Variants in ATP1A3 observed in about 807,000 individuals in gnomAD.
ATP1A3 encodes the protein ATPase Na+/K+ transporting subunit alpha 3.
Under a neutral mutation model 108.8 loss-of-function variants are expected in ATP1A3, and 12 were observed. That is an observed-to-expected ratio of 0.11 (90% confidence interval 0.07 to 0.18). The LOEUF (loss-of-function observed/expected upper bound fraction) is 0.18. Among genes scored for constraint, ATP1A3 ranks in the 10% least tolerant of loss-of-function variants. The pLI is 1.00. For synonymous variants in ATP1A3, 539 were observed against 564.5 expected, an observed-to-expected ratio of 0.95 and a Z score of 0.64; for missense variants, 498 against 1,387.7, an observed-to-expected ratio of 0.36 and a Z score of 10.19.
chr19:41,969,676 G>A, intron 18 of ATP1A3, 96 bp from the exon 19 acceptor site: 1 of 1,506,530 alleles, frequency 6.6e-7, no homozygotes, highest in East Asian at 2.3e-5. Context: ...CCTTGGAGAG[G>A]GGAGTATGCC....
At chr19:41,977,865 G>T (rs1404086081) in intron 14 of ATP1A3, 71 bp downstream of exon 14, 6 of 1,582,242 alleles carry the variant, frequency 3.8e-6, no homozygotes, top group Non-Finnish European at 5.2e-6. Flanking sequence ...AGGGAGGTTG[G>T]GGGGAAGCGG....
At chr19:41,974,365 T>A (rs1214235863) in intron 16 of ATP1A3, among the ~76,000 whole-genome samples, 1 of 151,980 alleles carries the variant, frequency 6.6e-6, no homozygotes, top group Non-Finnish European at 1.5e-5. Flanking sequence ...ATCGATTAAG[T>A]CCCGGAGGTG....
At chr19:41,970,950 AC>A (rs1167139725) in intron 16 of ATP1A3, among the ~76,000 whole-genome samples, 4 of 138,128 alleles carry the variant, frequency 2.9e-5, no homozygotes, top group Non-Finnish European at 4.7e-5. Context: ...GTCCTTTTCT[AC>A]CCCCCAGCCC....
At chr19:41,982,587 C>T (rs11672108) in intron 8 of ATP1A3, among the ~76,000 whole-genome samples, 1 of 151,658 alleles carries the variant, frequency 6.6e-6, no homozygotes, top group African/African-American at 2.4e-5. Flanking sequence ...AATCGTGACA[C>T]TGCACTCCAG....
rs782784268 is a variant in ATP1A3, at chr19:41,985,227, G to A, written c.725-41C>T. The A allele has an allele frequency of 6.2e-7, 1 of 1,614,034 alleles. No individual in the cohort carries two copies. Among genetic ancestry groups the A allele is most frequent in the Non-Finnish European group, 8.5e-7 (1 of 1,179,958 alleles). ...GTTAGGCTGAGGTGGGGTGGCTCAG[G>A]GAGGTTCTGGAGGCCTGACCCCCTG... On this transcript the variant is annotated intron_variant, in intron 7 of 22. Transcript: ENST00000648268. The surrounding 1 kb of genome is among the most constrained non-coding windows in gnomAD (Gnocchi z 8.2).
At position 41,993,591 on chromosome 19, in the gene ATP1A3, G is replaced by A. The variant is rs2075360934; in HGVS notation, c.6+480C>T. On this transcript the variant is annotated intron_variant, in intron 1 of 22. Coordinates refer to ENST00000648268, the MANE Select transcript of ATP1A3 (RefSeq NM_152296.5). ...TCCAGGCCTGGAAGGAGAAAGAGAG[G>A]TCATCTGGTGTCCATCCCACAACGT... is the stretch of plus-strand genomic sequence containing the variant. 3 of 1,014,480 alleles carry A rather than the reference G, an allele frequency of 3.0e-6. No homozygotes were observed. In the African/African-American group the frequency reaches 4.9e-5, roughly 17 times the overall value. The allele number at this position is 1,014,480 out of a possible 1,614,324, so 62.8% of individuals were successfully genotyped here.
chr19:41,977,823 G>A (rs2075187888), intron 14 of ATP1A3, 113 bp downstream of exon 14: 5 of 1,471,776 alleles, frequency 3.4e-6, no homozygotes, highest in Admixed American at 2.0e-5. Flanking sequence ...GTCCATGGAG[G>A]AGTCCCAGAA....
Position 41,985,569 on chromosome 19 carries a change from G to C in ATP1A3, c.607-146C>G. On this transcript the variant is annotated intron_variant, in intron 6 of 22. Coordinates refer to ENST00000648268, the MANE Select transcript of ATP1A3 (RefSeq NM_152296.5). The surrounding 1 kb of genome is among the most constrained non-coding windows in gnomAD (Gnocchi z 8.2). ...CCAGTGGGTGAGTGGTGTGTGGGAG[G>C]CCAGAGGCTGGGATCTTGAAGGTGG... The C allele has an allele frequency of 2.2e-6, 2 of 903,696 alleles. No homozygotes were observed. The highest frequency in any genetic ancestry group is 3.5e-6 in the Non-Finnish European group (2 of 568,546). 56.0% of individuals were successfully genotyped at this position (903,696 alleles called of 1,614,324 possible). A position where few individuals can be genotyped will look rare whatever the true frequency, so the allele number is the denominator to read the frequency against.
chr19:41,988,502 C>T lies in ATP1A3; in HGVS notation c.67G>A (p.Asp23Asn). 9 of 1,614,202 alleles carry T rather than the reference C, an allele frequency of 5.6e-6. No individual in the cohort carries two copies. The highest frequency in any genetic ancestry group is 7.6e-6 in the Non-Finnish European group (9 of 1,180,050). ...KNKGKERRDLDDLKKEVAMTE... is the reference protein window; with the variant it reads ...KNKGKERRDLNDLKKEVAMTE... ...ATAGCCACCTCCTTCTTGAGGTCAT[C>T]CAGGTCCCGGCGCTCCTTGCCCTTG... is the stretch of plus-strand genomic sequence containing the variant. The change falls in exon 2 of 23, where the codon GAT becomes AAT. Residue 23 changes from aspartate (D) to asparagine (N), a missense_variant. By Grantham distance (23) the Asp-to-Asn change is conservative. Coordinates refer to ENST00000648268, the MANE Select transcript of ATP1A3 (RefSeq NM_152296.5). The surrounding 1 kb of genome is among the most constrained non-coding windows in gnomAD (Gnocchi z 5.3).
rs1555859166 is a variant in ATP1A3, at chr19:41,968,858, T to C, written c.2746A>G (p.Ile916Val). The C allele has an allele frequency of 1.9e-6, 3 of 1,614,048 alleles. No individual in the cohort carries two copies. The highest frequency in any genetic ancestry group is 2.5e-6 in the Non-Finnish European group (3 of 1,179,958). The change falls in exon 20 of 23, where the codon ATC becomes GTC. Residue 916 changes from isoleucine to valine, a missense_variant. Ile to Val is a conservative substitution (Grantham distance 29, BLOSUM62 3). Coordinates refer to ENST00000648268, the MANE Select transcript of ATP1A3 (RefSeq NM_152296.5). The surrounding 1 kb of genome is among the most constrained non-coding windows in gnomAD (Gnocchi z 5.0). ...FTCHTAFFVS[I>V]VVVQWADLII... ...AGATCGGCCCACTGGACGACAACGA[T>C]GCTCACAAAGAAGGCCGTGTGGCAG... is the stretch of plus-strand genomic sequence containing the variant.
chr19:41,987,248 T>A (rs1302962258), intron 4 of ATP1A3, among the ~76,000 whole-genome samples: 1 of 152,190 alleles, frequency 6.6e-6, no homozygotes, highest in Non-Finnish European at 1.5e-5. Flanking sequence ...ACTGTTTAGA[T>A]TTGAACATCT....
At chr19:41,982,181 A>G in intron 8 of ATP1A3, 75 bp from the exon 9 acceptor site, 1 of 1,611,150 alleles carries the variant, frequency 6.2e-7, no homozygotes, top group Non-Finnish European at 8.5e-7. Flanking sequence ...CACGAGGGCC[A>G]CAGCCCAGCT....
chr19:41,970,583 G>C, intron 16 of ATP1A3, 41 bp from the exon 17 acceptor site: 1 of 1,612,534 alleles, frequency 6.2e-7, no homozygotes, highest in Non-Finnish European at 8.5e-7. Flanking sequence ...CCATGCCAGG[G>C]AGCCCCACTC....
In ATP1A3 at chr19:41,967,189, C is replaced by G. The variant is rs1555858798; in HGVS notation, c.3013+60G>C. 6.2e-7 allele frequency: 1 copy of G among 1,611,634 alleles called. No homozygotes were observed. The highest frequency in any genetic ancestry group is 1.7e-5 in the Admixed American group (1 of 59,650). ...CAGCAGGGCGAGGGGAGCCTGGGACCAGCTGCCTGAGACCCTGCTGCCCCC... is the reference window on the plus strand; with the variant it reads ...CAGCAGGGCGAGGGGAGCCTGGGACGAGCTGCCTGAGACCCTGCTGCCCCC... On this transcript the variant is annotated intron_variant, in intron 22 of 22. Coordinates refer to ENST00000648268, the MANE Select transcript of ATP1A3 (RefSeq NM_152296.5). The surrounding 1 kb of genome is among the most constrained non-coding windows in gnomAD (Gnocchi z 4.2).
In ATP1A3 at chr19:41,988,261, T is replaced by C. The variant is rs1228533231; in HGVS notation, c.153+57A>G. 4 of 1,612,834 alleles carry C rather than the reference T, an allele frequency of 2.5e-6. No homozygotes were observed. In the African/African-American group the frequency reaches 5.3e-5, roughly 22 times the overall value. ...CCTCCTCCCTCAGACCCAGGGGTCC[T>C]AGCCCCCAGCTCCTCCTCCCTAGTT... is the stretch of plus-strand genomic sequence containing the variant. On this transcript the variant is annotated intron_variant, in intron 3 of 22. Coordinates refer to ENST00000648268, the MANE Select transcript of ATP1A3 (RefSeq NM_152296.5). This position sits in a 1 kb window ranked among gnomAD's most constrained non-coding sequence, Gnocchi z 5.3.
Position 41,967,536 on chromosome 19 carries a change from G to A in ATP1A3, c.2921+126C>T. The stretch of plus-strand genomic sequence containing the variant: ...GAGCAGCCTATGGGGGAGGCTCGGG[G>A]GCATCAGAATGGGGACTGCAGTGGG... On this transcript the variant is annotated intron_variant, in intron 21 of 22. Transcript: ENST00000648268. The surrounding 1 kb of genome is among the most constrained non-coding windows in gnomAD (Gnocchi z 4.2). The A allele has an allele frequency of 8.3e-7, 1 of 1,206,066 alleles. No homozygotes were observed. The highest frequency in any genetic ancestry group is 1.2e-6 in the Non-Finnish European group (1 of 848,540). 74.7% of individuals were successfully genotyped at this position (1,206,066 alleles called of 1,614,324 possible).
intron 18 of ATP1A3, 62 bp from the exon 19 acceptor site, chr19:41,969,642 G>A: frequency 6.2e-7 from 1 of 1,605,414 alleles, no homozygotes; most frequent in South Asian, 1.1e-5. Flanking sequence ...CCAACCCAGG[G>A]CACCTCAGAG....
Position 41,967,998 on chromosome 19 carries a change from A to G in ATP1A3, c.2820-235T>C, listed in dbSNP as rs560513454. Among the ~76,000 whole-genome samples the G allele has an allele frequency of 6.6e-6, 1 of 150,560 alleles. No individual in the cohort carries two copies. Among genetic ancestry groups the G allele is most frequent in the South Asian group, 2.1e-4 (1 of 4,700 alleles). On this transcript the variant is annotated intron_variant, in intron 20 of 22. Coordinates refer to ENST00000648268, the MANE Select transcript of ATP1A3 (RefSeq NM_152296.5). The surrounding 1 kb of genome is among the most constrained non-coding windows in gnomAD (Gnocchi z 4.2). The stretch of plus-strand genomic sequence containing the variant: ...AAAGAGACAAAAGACAGGGACAGAC[A>G]CAGAGACAGGGACAGACACAGAGAC...
rs4060828 is a variant in ATP1A3, at chr19:41,993,501, G to GCACA, written c.6+566_6+569dup. 8.8e-4 allele frequency: 594 copies of GCACA among 678,240 alleles called. 2 individuals carry two copies. The highest frequency in any genetic ancestry group is 3.9e-3 in the African/African-American group (177 of 45,262). The allele number at this position is 678,240 out of a possible 1,614,324, so 42.0% of individuals were successfully genotyped here. A position where few individuals can be genotyped will look rare whatever the true frequency, so the allele number is the denominator to read the frequency against. On this transcript the variant is annotated intron_variant, in intron 1 of 22. Coordinates refer to ENST00000648268, the MANE Select transcript of ATP1A3 (RefSeq NM_152296.5). The stretch of plus-strand genomic sequence containing the variant: ...CCCAGGCTGCGACACTGCGGAGCCT[G>GCACA]CACACACACACACACACACACACAC...
Sources: gnomAD v4.1 joint callset for allele counts (sites outside exome capture counted in the v4.1 genomes callset) on GRCh38, gnomAD v4.1.1 for gene constraint, Gnocchi (gnomAD v3.1) non-coding constraint, MANE v1.5 for transcripts, NCBI Gene and HGNC (gene_info 2026-07-23, HGNC 2026-07-21) for gene names.